AFAP1L1: variants seen among roughly 807,000 people sequenced by gnomAD.
AFAP1L1 encodes actin filament associated protein 1 like 1.
In AFAP1L1, 77 loss-of-function variants were observed where a neutral mutation model predicts 99.8. The observed-to-expected ratio is 0.77, with a 90% CI of 0.64 to 0.93. The LOEUF is 0.93. Among genes scored for constraint, AFAP1L1 ranks in the 40% least tolerant of loss-of-function variants. The pLI is 0.00. For synonymous variants in AFAP1L1, 373 were observed against 395.3 expected, an observed-to-expected ratio of 0.94 and a Z score of 0.67; for missense variants, 893 against 996.8, an observed-to-expected ratio of 0.90 and a Z score of 1.40.
At chr5:149,297,037 C>T (rs914908100) in intron 1 of AFAP1L1, among the ~76,000 whole-genome samples, 4 of 152,100 alleles carry the variant, frequency 2.6e-5, no homozygotes, top group Admixed American at 1.3e-4. Flanking sequence ...TCCCATGATA[C>T]GTGGGGATTC....
In AFAP1L1 at chr5:149,307,566, G is replaced by A. The variant is rs1001249527; in HGVS notation, c.700G>A (p.Gly234Arg). 60 of 1,613,268 alleles carry A rather than the reference G, an allele frequency of 3.7e-5. No homozygotes were observed. Among genetic ancestry groups the A allele is most frequent in the Non-Finnish European group, 4.4e-5 (52 of 1,180,012 alleles). ...CAFLLRKKRF[G>R]QWAKQLTVIR... is the part of the protein sequence containing the mutation. ...CTTCCTGCTGCGGAAAAAGCGTTTC[G>A]GGCAGTGGGCCAAGCAGCTGACGGT... is the stretch of plus-strand genomic sequence containing the variant. The change falls in exon 7 of 19, where the codon GGG becomes AGG. Residue 234 changes from glycine to arginine, a missense_variant. By Grantham distance (125) the Gly-to-Arg change is moderately radical. Coordinates refer to ENST00000296721, the MANE Select transcript of AFAP1L1 (RefSeq NM_152406.4).
At chr5:149,273,462 G>A (rs1489689939) in intron 1 of AFAP1L1, among the ~76,000 whole-genome samples, 1 of 151,952 alleles carries the variant, frequency 6.6e-6, no homozygotes, top group Non-Finnish European at 1.5e-5. Context: ...AGGGCCAGAG[G>A]GGACTCCTGG....
At chr5:149,288,586 G>A (rs1333179978) in intron 1 of AFAP1L1, among the ~76,000 whole-genome samples, 1 of 152,330 alleles carries the variant, frequency 6.6e-6, no homozygotes. Flanking sequence ...CTTGTGTGAG[G>A]AGTGCGCGTG....
At position 149,320,055 on chromosome 5, in the gene AFAP1L1, T is replaced by C. The variant is rs17723385; in HGVS notation, c.1625+328T>C. 0.011 allele frequency among the ~76,000 whole-genome samples: 1,703 copies of C among 152,290 alleles called. 47 individuals carry two copies. The East Asian group carries it at 0.12, about 11-fold the overall frequency. The stretch of plus-strand genomic sequence containing the variant: ...GGGCACGTGGCTAGTATATGGCATT[T>C]GGTACTAGAAGAGCCAAGTTCGAGT... On this transcript the variant is annotated intron_variant, in intron 13 of 18. Transcript: ENST00000296721. This position sits in a 1 kb window ranked among gnomAD's most constrained non-coding sequence, Gnocchi z 4.0.
intron 15 of AFAP1L1, among the ~76,000 whole-genome samples, chr5:149,325,176 GA>G (rs1208907819): frequency 6.6e-6 from 1 of 152,150 alleles, no homozygotes; most frequent in African/African-American, 2.4e-5. Context: ...GGCAAATGAA[GA>G]AACATTTACT....
At chr5:149,293,672 T>A (rs1269410833) in intron 1 of AFAP1L1, among the ~76,000 whole-genome samples, 1 of 152,092 alleles carries the variant, frequency 6.6e-6, no homozygotes. Flanking sequence ...TACTGTGGAG[T>A]CTCCATAGTT....
chr5:149,330,006 C>G (rs1388173865), intron 16 of AFAP1L1, among the ~76,000 whole-genome samples, 176 bp downstream of exon 16: 1 of 152,172 alleles, frequency 6.6e-6, no homozygotes, highest in East Asian at 1.9e-4. Flanking sequence ...TTATCATCAT[C>G]ATTCCTCCCA....
intron 1 of AFAP1L1, among the ~76,000 whole-genome samples, chr5:149,295,579 G>A (rs766960936): frequency 4.0e-5 from 6 of 149,048 alleles, no homozygotes; most frequent in African/African-American, 1.5e-4. Context: ...AAAATAAAAC[G>A]AAAAAAGAAA....
intron 1 of AFAP1L1, among the ~76,000 whole-genome samples, chr5:149,272,537 T>C (rs549901480): frequency 4.0e-4 from 61 of 152,340 alleles, no homozygotes; most frequent in African/African-American, 1.3e-3. Context: ...CCCTTCTCTC[T>C]GGACCAGCGA....
chr5:149,311,738 C>G lies in AFAP1L1; in HGVS notation c.928-374C>G, dbSNP rs138101699. On this transcript the variant is annotated intron_variant, in intron 8 of 18. Transcript: ENST00000296721. The stretch of plus-strand genomic sequence containing the variant: ...GCTTGTGAGGCTTTATGGTTCCCAT[C>G]ACTCTTCGCATCCATGGTCACACTG... Among the ~76,000 whole-genome samples the G allele has an allele frequency of 3.9e-3, 598 of 152,304 alleles. 1 individual carries two copies. Among genetic ancestry groups the G allele is most frequent in the African/African-American group, 0.014 (580 of 41,552 alleles).
At chr5:149,327,256 A>G (rs1050113145) in intron 15 of AFAP1L1, among the ~76,000 whole-genome samples, 1 of 136,358 alleles carries the variant, frequency 7.3e-6, no homozygotes, top group Non-Finnish European at 1.6e-5. Context: ...TGTATTATTG[A>G]TAGCCTATAT....
Position 149,299,587 on chromosome 5 carries a change from A to G in AFAP1L1, c.95A>G (p.Glu32Gly), listed in dbSNP as rs2127593773. ...DHEYLSDTTL[E>G]KKMAVASILQ... ...GAGTACCTCAGCGATACCACCCTGG[A>G]AAAGAAGATGGCCGTGGCCTCCATC... is the stretch of plus-strand genomic sequence containing the variant. Residue 32 changes from glutamate to glycine, a missense_variant, in exon 2 of 19, where the codon GAA becomes GGA. Transcript: ENST00000296721. 1 of 1,614,132 alleles carries G rather than the reference A, an allele frequency of 6.2e-7. No individual in the cohort carries two copies. Among genetic ancestry groups the G allele is most frequent in the Non-Finnish European group, 8.5e-7 (1 of 1,179,996 alleles).
At chr5:149,331,736 G>A (rs1356955131) in intron 16 of AFAP1L1, among the ~76,000 whole-genome samples, 1 of 152,172 alleles carries the variant, frequency 6.6e-6, no homozygotes, top group African/African-American at 2.4e-5. Context: ...AACTGGCAGA[G>A]AAATGAAAGA....
intron 1 of AFAP1L1, among the ~76,000 whole-genome samples, chr5:149,289,438 T>A (rs551926300): frequency 1.3e-5 from 2 of 152,134 alleles, no homozygotes; most frequent in East Asian, 3.9e-4. Context: ...ACGAAGGCAT[T>A]GGCTTTGCAG....
chr5:149,301,014 G>T, intron 3 of AFAP1L1, 119 bp from the exon 4 acceptor site: 1 of 730,858 alleles, frequency 1.4e-6, no homozygotes, highest in Non-Finnish European at 2.4e-6. Flanking sequence ...GGTTACTAAC[G>T]GAGGGGTGGT....
chr5:149,290,534 T>TATC (rs3071610), intron 1 of AFAP1L1, among the ~76,000 whole-genome samples: 133,962 of 151,938 alleles, frequency 0.88, 59,220 homozygotes, highest in Non-Finnish European at 0.91. Context: ...CAATATCTGT[T>TATC]ATTATTTCTG....
Position 149,329,974 on chromosome 5 carries a change from C to A in AFAP1L1, c.1975+144C>A. The A allele has an allele frequency of 4.9e-6, 3 of 617,898 alleles. No individual in the cohort carries two copies. The South Asian group carries it at 1.0e-4, about 21-fold the overall frequency. 38.3% of individuals were successfully genotyped at this position (617,898 alleles called of 1,614,324 possible). ...CTCCCCTCCTCCTTCTCCTCCTCCT[C>A]CTCTTCTTCTCCTCTTCATCATTAT... On this transcript the variant is annotated intron_variant, in intron 16 of 18. Coordinates refer to ENST00000296721, the MANE Select transcript of AFAP1L1 (RefSeq NM_152406.4).
intron 1 of AFAP1L1, among the ~76,000 whole-genome samples, chr5:149,285,537 T>C (rs1755652054): frequency 6.6e-6 from 1 of 152,156 alleles, no homozygotes; most frequent in Non-Finnish European, 1.5e-5. Flanking sequence ...CCAAGTTTGA[T>C]GTTGGATACA....
chr5:149,271,925 C>G lies in AFAP1L1; in HGVS notation c.-44C>G. The G allele has an allele frequency of 8.2e-7, 1 of 1,219,672 alleles. No individual in the cohort carries two copies. The highest frequency in any genetic ancestry group is 1.0e-6 in the Non-Finnish European group (1 of 979,524). The allele number at this position is 1,219,672 out of a possible 1,614,324, so 75.6% of individuals were successfully genotyped here. A position where few individuals can be genotyped will look rare whatever the true frequency, so the allele number is the denominator to read the frequency against. ...CCGGCCGCTACCAGCCGCGCCGGAG[C>G]CCCTGCGCCCTGCGGCCCGCTCCCC... On this transcript the variant is annotated 5_prime_UTR_variant, in exon 1 of 19. Transcript: ENST00000296721.
Sources: allele counts gnomAD v4.1 joint callset (sites outside exome capture counted in the v4.1 genomes callset), GRCh38; gene constraint gnomAD v4.1.1; non-coding constraint Gnocchi (gnomAD v3.1); transcripts MANE v1.5; gene names NCBI Gene and HGNC (gene_info 2026-07-23, HGNC 2026-07-21).